NDST3: variants seen among roughly 807,000 people sequenced by gnomAD.
The protein encoded by NDST3 is bifunctional heparan sulfate N-deacetylase/N-sulfotransferase 3.
A neutral mutation model predicts 96.1 loss-of-function variants in NDST3; 58 were observed. The observed-to-expected ratio is 0.60, with a 90% CI of 0.49 to 0.75. The LOEUF is 0.75. Among genes scored for constraint, NDST3 ranks in the 30% least tolerant of loss-of-function variants. The pLI is 0.00. For missense variants in NDST3, 788 were observed against 1,034.2 expected, an observed-to-expected ratio of 0.76 and a Z score of 3.27; for synonymous variants, 333 against 359.7, an observed-to-expected ratio of 0.93 and a Z score of 0.84.
intron 2 of NDST3, among the ~76,000 whole-genome samples, chr4:118,078,011 G>A (rs1362286721): frequency 1.3e-5 from 2 of 152,158 alleles, no homozygotes; most frequent in Non-Finnish European, 2.9e-5. Context: ...AAACTTCTGG[G>A]TGGCTCTGTG....
intron 2 of NDST3, among the ~76,000 whole-genome samples, chr4:118,073,576 T>C (rs1578583779): frequency 6.6e-6 from 1 of 152,162 alleles, no homozygotes; most frequent in Admixed American, 6.6e-5. Context: ...TTATCCACTT[T>C]GTGATTTCTG....
chr4:118,128,728 C>T (rs1732340555), intron 4 of NDST3, among the ~76,000 whole-genome samples: 1 of 151,938 alleles, frequency 6.6e-6, no homozygotes, highest in African/African-American at 2.4e-5. Flanking sequence ...ATTCCCTCCT[C>T]CTCTATATTT....
chr4:118,211,026 A>G (rs1273128905), intron 6 of NDST3, among the ~76,000 whole-genome samples: 1 of 152,186 alleles, frequency 6.6e-6, no homozygotes, highest in East Asian at 1.9e-4. Flanking sequence ...CAAGTAGAGT[A>G]AAATCACCCA....
chr4:118,038,298 T>C (rs935037053), intron 1 of NDST3, among the ~76,000 whole-genome samples: 24 of 152,134 alleles, frequency 1.6e-4, no homozygotes, highest in Admixed American at 1.3e-4. Flanking sequence ...AGCAGTGGGG[T>C]AGTTTTCTTC....
intron 6 of NDST3, among the ~76,000 whole-genome samples, chr4:118,223,504 C>T (rs949652466): frequency 2.6e-5 from 4 of 152,034 alleles, no homozygotes; most frequent in African/African-American, 9.7e-5. Context: ...TGCAAATATT[C>T]TTGATCACAA....
chr4:118,088,094 A>C (rs774290898), intron 2 of NDST3, among the ~76,000 whole-genome samples: 6 of 152,046 alleles, frequency 3.9e-5, no homozygotes, highest in Admixed American at 1.3e-4. Context: ...ACTAACTTGA[A>C]TTTTTTGTGA....
At chr4:118,035,825 A>G (rs187664766) in intron 1 of NDST3, among the ~76,000 whole-genome samples, 149 of 152,136 alleles carry the variant, frequency 9.8e-4, no homozygotes, top group Middle Eastern at 3.4e-3. Flanking sequence ...TGAGCTTGTC[A>G]CATGAGTTAA....
At chr4:118,193,772 G>T in intron 6 of NDST3, 1 of 1,485,588 alleles carries the variant, frequency 6.7e-7, no homozygotes, top group Non-Finnish European at 9.3e-7. Context: ...TTCAGTGGCA[G>T]CAGAGAAGGC....
chr4:118,185,208 T>C (rs1260693432), intron 6 of NDST3, among the ~76,000 whole-genome samples: 1 of 152,122 alleles, frequency 6.6e-6, no homozygotes, highest in Non-Finnish European at 1.5e-5. Flanking sequence ...ATTTGATATA[T>C]GTTACCATTA....
intron 2 of NDST3, among the ~76,000 whole-genome samples, chr4:118,083,663 CTTA>C (rs1728194983): frequency 6.6e-6 from 1 of 152,058 alleles, no homozygotes; most frequent in African/African-American, 2.4e-5. Context: ...TTCTTGAAGA[CTTA>C]TTATGTGTTT....
At chr4:118,081,072 T>G (rs532125090) in intron 2 of NDST3, among the ~76,000 whole-genome samples, 2 of 152,312 alleles carry the variant, frequency 1.3e-5, no homozygotes, top group African/African-American at 4.8e-5. Flanking sequence ...CTTACGCATG[T>G]GAACCCATCT....
intron 6 of NDST3, among the ~76,000 whole-genome samples, chr4:118,159,569 G>A (rs1734953482): frequency 6.6e-6 from 1 of 152,012 alleles, no homozygotes; most frequent in South Asian, 2.1e-4. Flanking sequence ...CCAATCCAAG[G>A]AACAAAATAA....
chr4:118,176,220 C>T (rs1255153010), intron 6 of NDST3, among the ~76,000 whole-genome samples: 3 of 151,284 alleles, frequency 2.0e-5, no homozygotes, highest in African/African-American at 7.3e-5. Context: ...TGTAACAAAC[C>T]TGCACATCTT....
At chr4:118,103,861 G>A (rs554607850) in intron 2 of NDST3, among the ~76,000 whole-genome samples, 1 of 152,272 alleles carries the variant, frequency 6.6e-6, no homozygotes, top group Non-Finnish European at 1.5e-5. Flanking sequence ...GAATTAGATA[G>A]CTAAATTTCA....
intron 12 of NDST3, among the ~76,000 whole-genome samples, chr4:118,245,520 C>T (rs1330376890): frequency 1.3e-5 from 2 of 152,080 alleles, no homozygotes; most frequent in African/African-American, 2.4e-5. Flanking sequence ...ATATAACTTC[C>T]TTGGCAACGA....
chr4:118,151,960 GC>G (rs1734428761), intron 6 of NDST3, among the ~76,000 whole-genome samples: 1 of 152,118 alleles, frequency 6.6e-6, no homozygotes, highest in Non-Finnish European at 1.5e-5. Flanking sequence ...GGTTGTATTA[GC>G]CTGTACGCTT....
intron 1 of NDST3, among the ~76,000 whole-genome samples, chr4:118,038,676 C>A (rs1469824627): frequency 6.6e-6 from 1 of 152,070 alleles, no homozygotes; most frequent in Non-Finnish European, 1.5e-5. Context: ...ATATTTGAGG[C>A]CTCCCACTGC....
intron 6 of NDST3, among the ~76,000 whole-genome samples, chr4:118,213,605 T>C (rs1345185885): frequency 2.6e-5 from 4 of 151,446 alleles, no homozygotes; most frequent in African/African-American, 9.7e-5. Flanking sequence ...TTTAAAGTAT[T>C]TTTAACAATG....
rs112994352 is a variant in NDST3, at chr4:118,202,670, C to A, written c.1540-21821C>A. Among the ~76,000 whole-genome samples the A allele has an allele frequency of 8.5e-3, 1,289 of 152,262 alleles. 4 individuals carry two copies. The highest frequency in any genetic ancestry group is 0.014 in the Non-Finnish European group (946 of 68,012). On this transcript the variant is annotated intron_variant, in intron 6 of 13. Transcript: ENST00000296499. ...TGATTTTTATACAATGATTTTGTAACCTGAAACTTTACTAAAGGTGTTTAT... is the reference window on the plus strand; with the variant it reads ...TGATTTTTATACAATGATTTTGTAAACTGAAACTTTACTAAAGGTGTTTAT...
Sources: gnomAD v4.1 joint callset for allele counts (sites outside exome capture counted in the v4.1 genomes callset) on GRCh38, gnomAD v4.1.1 for gene constraint, MANE v1.5 for transcripts, NCBI Gene and HGNC (gene_info 2026-07-23, HGNC 2026-07-21) for gene names.